The following KCNA6 variants were observed in gnomAD, a reference collection of about 807,000 sequenced individuals.
The protein encoded by KCNA6 is potassium voltage-gated channel subfamily A member 6.
A neutral mutation model predicts 29.5 loss-of-function variants in KCNA6; 17 were observed. The ratio of observed to expected loss-of-function variants is 0.58; its 90% CI spans 0.39 to 0.86. The LOEUF is 0.86. KCNA6 is among the 40% of genes least tolerant of loss of function. The probability of loss-of-function intolerance (pLI) is 0.00; values close to 1 mark genes in which losing one functional copy is unlikely to be tolerated. For synonymous variants in KCNA6, 296 were observed against 304.7 expected, an observed-to-expected ratio of 0.97 and a Z score of 0.30; for missense variants, 450 against 703.4, an observed-to-expected ratio of 0.64 and a Z score of 4.07.
chr12:4,832,972 G>A, the KCNA6 span, among the ~76,000 whole-genome samples: 1 of 152,000 alleles, frequency 6.6e-6, no homozygotes, highest in Non-Finnish European at 1.5e-5. Context: ...AGTGTAGTTG[G>A]GCTGCCATTT....
At chr12:4,841,575 A>C in the KCNA6 span, among the ~76,000 whole-genome samples, 1 of 152,224 alleles carries the variant, frequency 6.6e-6, no homozygotes, top group Admixed American at 6.5e-5. Flanking sequence ...TCATGTGTGA[A>C]GTGTTGGAAA....
At chr12:4,849,755 A>G in the KCNA6 span, among the ~76,000 whole-genome samples, 1 of 152,234 alleles carries the variant, frequency 6.6e-6, no homozygotes, top group Non-Finnish European at 1.5e-5. Flanking sequence ...CCTTCTGCAG[A>G]AATCTATTGC....
At position 4,811,515 on chromosome 12, in the gene KCNA6, A is replaced by G; in HGVS notation, c.1474A>G (p.Thr492Ala). The G allele has an allele frequency of 6.2e-7, 1 of 1,614,160 alleles. No homozygotes were observed. Among genetic ancestry groups the G allele is most frequent in the Non-Finnish European group, 8.5e-7 (1 of 1,180,020 alleles). ...GCAGCCTGCGCCGGACCTGAGGGCA[A>G]CTGACAACGGACTTGGCAAGCCTGA... is the stretch of plus-strand genomic sequence containing the variant. The change falls in exon 1 of 1, where the codon ACT becomes GCT. Residue 492 changes from threonine to alanine, a missense_variant. Physicochemically the swap from Thr to Ala is moderately conservative, Grantham distance 58. Coordinates refer to ENST00000280684, the Ensembl canonical transcript of KCNA6. This position sits in a 1 kb window ranked among gnomAD's most constrained non-coding sequence, Gnocchi z 7.1.
At chr12:4,818,833 A>G in the KCNA6 span, among the ~76,000 whole-genome samples, 1 of 132,360 alleles carries the variant, frequency 7.6e-6, no homozygotes, top group Admixed American at 7.6e-5. Flanking sequence ...TGGGTCCCTG[A>G]AAGTGCACAC....
Position 4,810,100 on chromosome 12 carries a change from G to T in KCNA6, c.59G>T (p.Gly20Val). The T allele has an allele frequency of 6.4e-7, 1 of 1,572,766 alleles. No homozygotes were observed. The highest frequency in any genetic ancestry group is 1.2e-5 in the South Asian group (1 of 83,812). The change falls in exon 1 of 1, where the codon GGA becomes GTA. Residue 20 changes from glycine (G) to valine (V), a missense_variant. Transcript: ENST00000280684. The surrounding 1 kb of genome is among the most constrained non-coding windows in gnomAD (Gnocchi z 7.5). ...CCGGGGGAGGTCCGTGGGCCGGAGG[G>T]AGAGCAACAGGATGCGGGAGACTTC...
At chr12:4,833,889 T>TCTTCTC in the KCNA6 span, among the ~76,000 whole-genome samples, 1 of 151,534 alleles carries the variant, frequency 6.6e-6, no homozygotes, top group Non-Finnish European at 1.5e-5. Context: ...GTCTTCTTCT[T>TCTTCTC]CTTCTCCTTC....
At chr12:4,821,418 A>ATGTGTGTGTG in the KCNA6 span, among the ~76,000 whole-genome samples, 84 of 143,518 alleles carry the variant, frequency 5.9e-4, no homozygotes, top group African/African-American at 1.5e-3. Context: ...ACTCACTTGG[A>ATGTGTGTGTG]TGTGTGTGTG....
the KCNA6 span, among the ~76,000 whole-genome samples, chr12:4,820,379 G>GC: frequency 5.9e-5 from 9 of 151,996 alleles, no homozygotes; most frequent in Non-Finnish European, 8.8e-5. Context: ...CAGATGGAGG[G>GC]GGCAGTGAAT....
At chr12:4,815,984 G>A (rs1272756162), downstream of KCNA6, among the ~76,000 whole-genome samples, 2 of 152,170 alleles carry the variant, frequency 1.3e-5, no homozygotes. Context: ...AAGCAGGATT[G>A]TGGTAATAAT....
the KCNA6 span, among the ~76,000 whole-genome samples, chr12:4,840,231 C>CTA: frequency 0.43 from 44,590 of 104,080 alleles, 7,246 homozygotes; most frequent in Middle Eastern, 0.48. Flanking sequence ...ATCTATCTAT[C>CTA]TATCTATCTA....
chr12:4,842,569 A>T, the KCNA6 span: 1 of 152,320 alleles, frequency 6.6e-6, no homozygotes, highest in Non-Finnish European at 1.5e-5. Flanking sequence ...ACTTACAGTC[A>T]TGGTGAAAGG....
At chr12:4,826,790 A>G in the KCNA6 span, among the ~76,000 whole-genome samples, 26 of 152,358 alleles carry the variant, frequency 1.7e-4, no homozygotes, top group East Asian at 5.0e-3. Flanking sequence ...ATCTTTGAAA[A>G]AGAGAGTTGG....
At chr12:4,838,504 C>G in the KCNA6 span, among the ~76,000 whole-genome samples, 1 of 152,122 alleles carries the variant, frequency 6.6e-6, no homozygotes, top group African/African-American at 2.4e-5. Context: ...CAAGTGTAGC[C>G]TACATGAAAT....
chr12:4,815,728 A>G (rs1037507674), downstream of KCNA6, among the ~76,000 whole-genome samples: 8 of 152,238 alleles, frequency 5.3e-5, no homozygotes, highest in African/African-American at 1.7e-4. Flanking sequence ...TGAAGGCAGA[A>G]CAAAAGGAAA....
At chr12:4,847,084 G>A in the KCNA6 span, among the ~76,000 whole-genome samples, 32 of 151,720 alleles carry the variant, frequency 2.1e-4, no homozygotes, top group African/African-American at 6.5e-4. Context: ...ACGCCCAGCC[G>A]GAACACCTCT....
chr12:4,844,434 G>A, the KCNA6 span, among the ~76,000 whole-genome samples: 1 of 152,174 alleles, frequency 6.6e-6, no homozygotes, highest in African/African-American at 2.4e-5. The surrounding 1 kb of genome is among the most constrained non-coding windows in gnomAD (Gnocchi z 4.0). Context: ...TGACCTTACT[G>A]AGAAGATGGC....
Position 4,811,129 on chromosome 12 carries a change from A to G in KCNA6, c.1088A>G (p.Gln363Arg). The G allele has an allele frequency of 6.2e-7, 1 of 1,614,162 alleles. No homozygotes were observed. Among genetic ancestry groups the G allele is most frequent in the Non-Finnish European group, 8.5e-7 (1 of 1,179,976 alleles). ...CTCTCCCGCCACTCCAAGGGGCTGCAGATCCTGGGCAAGACCTTGCAGGCC... is the reference window on the plus strand; with the variant it reads ...CTCTCCCGCCACTCCAAGGGGCTGCGGATCCTGGGCAAGACCTTGCAGGCC... Residue 363 changes from glutamine to arginine, a missense_variant, in exon 1 of 1, where the codon CAG (glutamine) becomes CGG (arginine). Physicochemically the swap from Gln to Arg is conservative, Grantham distance 43. This residue lies in a region of KCNA6 where 12 missense variants were observed against 64.4 expected (regional missense o/e 0.19). Transcript: ENST00000280684. The surrounding 1 kb of genome is among the most constrained non-coding windows in gnomAD (Gnocchi z 7.1).
rs1219744700 is a variant in KCNA6, at chr12:4,810,221, G to A, written c.180G>A (p.Ser60=). The A allele has an allele frequency of 5.0e-6, 8 of 1,613,632 alleles. No homozygotes were observed. The Admixed American group carries it at 1.0e-4, about 20-fold the overall frequency. Residue 60 remains serine (S), a synonymous_variant, in exon 1 of 1, where the codon TCG becomes TCA. Coordinates refer to ENST00000280684, the Ensembl canonical transcript of KCNA6. This position sits in a 1 kb window ranked among gnomAD's most constrained non-coding sequence, Gnocchi z 7.5. ...TTGAGACACAATTGCGCACCCTGTC[G>A]CTGTTTCCGGACACGCTGCTCGGAG... is the stretch of plus-strand genomic sequence containing the variant.
chr12:4,813,840 T>C (rs886269354), downstream of KCNA6: 1 of 167,124 alleles, frequency 6.0e-6, no homozygotes, highest in African/African-American at 2.4e-5. Flanking sequence ...TCTCTGTATA[T>C]GTGTATGTAA....
Sources: allele counts gnomAD v4.1 joint callset (sites outside exome capture counted in the v4.1 genomes callset), GRCh38; gene constraint gnomAD v4.1.1; regional missense constraint gnomAD v4.1.1; non-coding constraint Gnocchi (gnomAD v3.1); transcripts MANE v1.5; gene names NCBI Gene and HGNC (gene_info 2026-07-23, HGNC 2026-07-21).